The following UBE2R2 variants were observed in gnomAD, a reference collection of about 807,000 sequenced individuals.
UBE2R2 encodes the protein ubiquitin conjugating enzyme E2 R2.
Under a neutral mutation model 27.8 loss-of-function variants are expected in UBE2R2, and 1 was observed. The observed-to-expected ratio is 0.04, with a 90% CI of 0.01 to 0.17. The LOEUF is 0.17. UBE2R2 is among the 10% of genes least tolerant of loss of function. UBE2R2 has a pLI of 1.00. For missense variants in UBE2R2, 100 were observed against 291.0 expected (o/e 0.34, Z 4.78); for synonymous variants, 106 against 113.3 (o/e 0.94, Z 0.41).
intron 1 of UBE2R2, among the ~76,000 whole-genome samples, chr9:33,861,999 G>A (rs901566819): frequency 3.1e-4 from 47 of 151,580 alleles, no homozygotes; most frequent in African/African-American, 1.1e-3. Flanking sequence ...GATTATAGGC[G>A]CCTGCCACCA....
rs970556872 is a variant in UBE2R2, at chr9:33,824,790, G to A, written c.177+6856G>A. ...TGTACTCCAGCCTGGGCAACAGAGT[G>A]AAGCTCTGTCTCAAAAAAAAAAAAA... On this transcript the variant is annotated intron_variant, in intron 1 of 4. Transcript: ENST00000263228. Among the ~76,000 whole-genome samples, 70 of 142,714 alleles carry A rather than the reference G, an allele frequency of 4.9e-4. 1 individual carries two copies. The highest frequency in any genetic ancestry group is 1.7e-3 in the African/African-American group (65 of 37,386). The allele number at this position is 142,714 out of a possible 152,430, so 93.6% of individuals were successfully genotyped here.
At chr9:33,878,494 T>A (rs1361775775) in intron 1 of UBE2R2, among the ~76,000 whole-genome samples, 1 of 152,120 alleles carries the variant, frequency 6.6e-6, no homozygotes, top group African/African-American at 2.4e-5. Context: ...GGTGCACGTC[T>A]GTAGTCCCAG....
chr9:33,835,839 C>T (rs559421132), intron 1 of UBE2R2, among the ~76,000 whole-genome samples: 1 of 152,260 alleles, frequency 6.6e-6, no homozygotes, highest in East Asian at 1.9e-4. Context: ...GCTATGATTG[C>T]ACTACTGCAC....
At chr9:33,856,908 T>C (rs2130761414) in intron 1 of UBE2R2, among the ~76,000 whole-genome samples, 1 of 142,844 alleles carries the variant, frequency 7.0e-6, no homozygotes, top group Non-Finnish European at 1.5e-5. Flanking sequence ...TTTTTTTTTT[T>C]TTTTTTGAGA....
intron 3 of UBE2R2, among the ~76,000 whole-genome samples, chr9:33,907,885 A>G (rs537166002): frequency 4.6e-5 from 7 of 152,080 alleles, no homozygotes; most frequent in African/African-American, 1.7e-4. Context: ...CTGGAGTGCA[A>G]TGGCACGATC....
chr9:33,900,768 T>C (rs1366327359), intron 3 of UBE2R2, among the ~76,000 whole-genome samples: 1 of 152,178 alleles, frequency 6.6e-6, no homozygotes, highest in African/African-American at 2.4e-5. Context: ...GGGGTCTCAC[T>C]AAGTTGCCCA....
intron 1 of UBE2R2, among the ~76,000 whole-genome samples, chr9:33,820,660 C>T (rs1394995488): frequency 1.3e-5 from 2 of 152,186 alleles, no homozygotes; most frequent in Non-Finnish European, 2.9e-5. Flanking sequence ...AAATGTTAGT[C>T]CTTGAACATT....
At chr9:33,830,376 C>T (rs1445076342) in intron 1 of UBE2R2, among the ~76,000 whole-genome samples, 10 of 147,820 alleles carry the variant, frequency 6.8e-5, no homozygotes, top group Admixed American at 2.0e-4. Context: ...AGGCTGGTCT[C>T]GAACTCCTGA....
chr9:33,826,721 A>AG (rs1193628882), intron 1 of UBE2R2, among the ~76,000 whole-genome samples: 1 of 152,014 alleles, frequency 6.6e-6, no homozygotes, highest in African/African-American at 2.4e-5. Flanking sequence ...CCAAAAAAAA[A>AG]GAAAAGTGAA....
intron 2 of UBE2R2, among the ~76,000 whole-genome samples, chr9:33,895,366 T>C (rs938871346): frequency 3.3e-5 from 5 of 152,204 alleles, no homozygotes; most frequent in African/African-American, 1.2e-4. Context: ...CATCAATGTA[T>C]TGGATTATTT....
chr9:33,866,486 G>A (rs1003318568), intron 1 of UBE2R2, among the ~76,000 whole-genome samples: 1 of 151,942 alleles, frequency 6.6e-6, no homozygotes. Context: ...CGATCCACCC[G>A]CCTAGGCTTC....
intron 1 of UBE2R2, among the ~76,000 whole-genome samples, chr9:33,874,369 A>G (rs1821557882): frequency 1.3e-5 from 2 of 152,148 alleles, no homozygotes; most frequent in Non-Finnish European, 2.9e-5. Flanking sequence ...TTCTTTTTTC[A>G]GTTTATAAAA....
Position 33,911,402 on chromosome 9 carries a change from C to CAAAAAAA in UBE2R2, c.363-535_363-529dup, listed in dbSNP as rs60526576. Among the ~76,000 whole-genome samples, 218 of 53,192 alleles carry CAAAAAAA rather than the reference C, an allele frequency of 4.1e-3. 12 individuals are homozygous for CAAAAAAA. Among genetic ancestry groups the CAAAAAAA allele is most frequent in the South Asian group, 5.1e-3 (6 of 1,180 alleles). 34.9% of individuals were successfully genotyped at this position (53,192 alleles called of 152,430 possible). A position where few individuals can be genotyped will look rare whatever the true frequency, so the allele number is the denominator to read the frequency against. On this transcript the variant is annotated intron_variant, in intron 3 of 4. Transcript: ENST00000263228. ...GGGGAACAAGAGTGAAACTCCATCT[C>CAAAAAAA]AAAAAAAAAAAAAAAAAAAAAAAAA...
At chr9:33,824,061 T>C (rs764942321) in intron 1 of UBE2R2, among the ~76,000 whole-genome samples, 61 of 152,220 alleles carry the variant, frequency 4.0e-4, no homozygotes, top group Non-Finnish European at 6.8e-4. Flanking sequence ...CTAAATGAAG[T>C]TTCACTTTTT....
intron 1 of UBE2R2, 121 bp downstream of exon 1, chr9:33,818,055 G>C (rs1825855054): frequency 8.7e-7 from 1 of 1,153,662 alleles, no homozygotes; most frequent in Non-Finnish European, 1.2e-6. Context: ...CTTCTCACCC[G>C]TGCAGCCCCC....
intron 1 of UBE2R2, among the ~76,000 whole-genome samples, chr9:33,879,230 T>C (rs976529280): frequency 1.3e-5 from 2 of 152,144 alleles, no homozygotes; most frequent in African/African-American, 4.8e-5. Flanking sequence ...TAACCCTGTC[T>C]TAATCAGTCA....
chr9:33,907,073 C>T (rs1318358779), intron 3 of UBE2R2, among the ~76,000 whole-genome samples: 2 of 152,170 alleles, frequency 1.3e-5, no homozygotes, highest in Non-Finnish European at 2.9e-5. Flanking sequence ...AACTTCACAG[C>T]TTGATTTGCT....
chr9:33,839,956 A>AT (rs1306655466), intron 1 of UBE2R2, among the ~76,000 whole-genome samples: 12 of 152,074 alleles, frequency 7.9e-5, no homozygotes, highest in Admixed American at 3.9e-4. Flanking sequence ...TGATTGTGCC[A>AT]TTGTACTCCA....
chr9:33,898,461 T>C (rs892826933), intron 2 of UBE2R2, among the ~76,000 whole-genome samples: 3 of 150,210 alleles, frequency 2.0e-5, no homozygotes, highest in Non-Finnish European at 3.0e-5. Flanking sequence ...TATAATATTT[T>C]GTATTAATTT....
Sources: allele counts gnomAD v4.1 joint callset (sites outside exome capture counted in the v4.1 genomes callset), GRCh38; gene constraint gnomAD v4.1.1; transcripts MANE v1.5; gene names NCBI Gene and HGNC (gene_info 2026-07-23, HGNC 2026-07-21).